The following SUPT6H variants were observed in gnomAD, a reference collection of about 807,000 sequenced individuals.
SUPT6H encodes the protein transcription elongation factor SPT6.
In SUPT6H, 11 loss-of-function variants were observed where a neutral mutation model predicts 222.3. The observed-to-expected ratio is 0.05, with a 90% CI of 0.03 to 0.08. The LOEUF (loss-of-function observed/expected upper bound fraction) is 0.08. Ranked by LOEUF, SUPT6H falls within the 10% of genes least tolerant of loss-of-function variation. The pLI is 1.00. For missense variants in SUPT6H, 1,422 were observed against 2,216.0 expected, an observed-to-expected ratio of 0.64 and a Z score of 7.19; for synonymous variants, 762 against 801.2, an observed-to-expected ratio of 0.95 and a Z score of 0.83.
At chr17:28,667,875 A>G (rs2030179636) in intron 1 of SUPT6H, among the ~76,000 whole-genome samples, 2 of 151,704 alleles carry the variant, frequency 1.3e-5, no homozygotes, top group East Asian at 1.9e-4. Flanking sequence ...ACTCATTTTT[A>G]TATACACAAG....
Position 28,681,238 on chromosome 17 carries a change from A to G in SUPT6H, c.1350-18A>G. On this transcript the variant is annotated intron_variant, in intron 11 of 36. Transcript: ENST00000314616. ...TTTCTGCAGTGATGACTGAAACCTT[A>G]TGTCTCTTCTTTTTCAGGCTCAAGG... 6.2e-7 allele frequency: 1 copy of G among 1,613,172 alleles called. No homozygotes were observed. The highest frequency in any genetic ancestry group is 8.5e-7 in the Non-Finnish European group (1 of 1,179,810).
At chr17:28,663,330 T>C (rs577490194) in intron 1 of SUPT6H, among the ~76,000 whole-genome samples, 1 of 152,282 alleles carries the variant, frequency 6.6e-6, no homozygotes, top group East Asian at 1.9e-4. Flanking sequence ...CCAGTACAAG[T>C]ACATTTTTAT....
intron 26 of SUPT6H, 81 bp from the exon 27 acceptor site, chr17:28,690,840 T>C (rs1567700279): frequency 2.7e-6 from 4 of 1,483,854 alleles, no homozygotes; most frequent in Non-Finnish European, 3.7e-6. Context: ...AAGTCAGATA[T>C]TCTGTCACTG....
chr17:28,683,228 G>C, intron 15 of SUPT6H, 40 bp from the exon 16 acceptor site: 1 of 1,606,734 alleles, frequency 6.2e-7, no homozygotes, highest in Non-Finnish European at 8.5e-7. Flanking sequence ...GCCTGGCCCA[G>C]CCCATCCGCA....
Position 28,683,105 on chromosome 17 carries a change from A to C in SUPT6H, c.1878+13A>C. ...GAAAGGTAGAAAGGTGAGCTGGGTG[A>C]AGGGCTTTGATCCAAGATGTGCACC... On this transcript the variant is annotated intron_variant, in intron 15 of 36. Transcript: ENST00000314616. The C allele has an allele frequency of 6.3e-7, 1 of 1,586,286 alleles. No homozygotes were observed. Among genetic ancestry groups the C allele is most frequent in the Non-Finnish European group, 8.6e-7 (1 of 1,168,592 alleles).
At position 28,700,455 on chromosome 17, in the gene SUPT6H, G is replaced by A. The variant is rs1303999729; in HGVS notation, c.4749G>A (p.Gln1583=). ...AGAACCCTAATGCCACCCCAGCCCA[G>A]TGGGCCTCCAGCCAGTACGGCTATG... is the stretch of plus-strand genomic sequence containing the variant. ...QGQNPNATPA[Q]WASSQYGYGG... The change falls in exon 35 of 37, where the codon CAG becomes CAA. Residue 1583 remains glutamine (Q), a synonymous_variant. Coordinates refer to ENST00000314616, the MANE Select transcript of SUPT6H (RefSeq NM_003170.5). The A allele has an allele frequency of 7.4e-6, 12 of 1,614,124 alleles. No homozygotes were observed. The highest frequency in any genetic ancestry group is 1.0e-5 in the Non-Finnish European group (12 of 1,180,058).
At chr17:28,676,056 C>T (rs1413309149) in intron 6 of SUPT6H, 101 bp from the exon 7 acceptor site, 16 of 1,358,986 alleles carry the variant, frequency 1.2e-5, no homozygotes, top group Non-Finnish European at 1.6e-5. Context: ...TTCCTCCTAA[C>T]CCTCTCAGTT....
chr17:28,675,212 T>A (rs2030670536), intron 5 of SUPT6H, 50 bp downstream of exon 5: 3 of 1,558,562 alleles, frequency 1.9e-6, no homozygotes, highest in Non-Finnish European at 2.6e-6. Flanking sequence ...TATTGGGATT[T>A]CCTGGCCCAT....
chr17:28,686,121 G>C (rs1252285101), intron 19 of SUPT6H, among the ~76,000 whole-genome samples: 1 of 152,136 alleles, frequency 6.6e-6, no homozygotes, highest in Admixed American at 6.5e-5. Flanking sequence ...AGTGGCACCT[G>C]GTACCACTGG....
At chr17:28,668,956 A>T (rs1256954676) in intron 1 of SUPT6H, among the ~76,000 whole-genome samples, 1 of 152,210 alleles carries the variant, frequency 6.6e-6, no homozygotes, top group Non-Finnish European at 1.5e-5. Context: ...CCTAACCCCT[A>T]GGCTTACTAT....
chr17:28,689,334 C>T lies in SUPT6H; in HGVS notation c.3135-20C>T, dbSNP rs761503117. ...AAGCTTATCGTTCTATATCCTGTTCCTTTTCTGCCTTTCCTCCAGCACTGA... is the reference window on the plus strand; with the variant it reads ...AAGCTTATCGTTCTATATCCTGTTCTTTTTCTGCCTTTCCTCCAGCACTGA... On this transcript the variant is annotated intron_variant, in intron 24 of 36. Coordinates refer to ENST00000314616, the MANE Select transcript of SUPT6H (RefSeq NM_003170.5). 1.2e-6 allele frequency: 2 copies of T among 1,613,568 alleles called. No individual in the cohort carries two copies. Among genetic ancestry groups the T allele is most frequent in the East Asian group, 4.5e-5 (2 of 44,890 alleles).
At chr17:28,668,631 G>A (rs754636321) in intron 1 of SUPT6H, among the ~76,000 whole-genome samples, 4 of 152,192 alleles carry the variant, frequency 2.6e-5, no homozygotes, top group Non-Finnish European at 4.4e-5. Flanking sequence ...TTTTCATCAG[G>A]TAGGCTGTGT....
chr17:28,684,618 A>G lies in SUPT6H; in HGVS notation c.2262A>G (p.Arg754=). The change falls in exon 18 of 37, where the codon AGA becomes AGG. Residue 754 remains arginine (R), a synonymous_variant. Transcript: ENST00000314616. ...ACSRKLYNWL[R]VAPYRPDQQV... ...GTCGAAAGCTCTACAATTGGTTGAGAGTGGCACCCTACCGACCAGATCAGC... is the reference window on the plus strand; with the variant it reads ...GTCGAAAGCTCTACAATTGGTTGAGGGTGGCACCCTACCGACCAGATCAGC... The G allele has an allele frequency of 6.2e-7, 1 of 1,614,118 alleles. No individual in the cohort carries two copies.
intron 6 of SUPT6H, 59 bp from the exon 7 acceptor site, chr17:28,676,098 G>A: frequency 6.6e-7 from 1 of 1,523,438 alleles, no homozygotes; most frequent in East Asian, 2.3e-5. Flanking sequence ...CTATGCAAGG[G>A]CTGCATTTCT....
chr17:28,685,403 G>C (rs2031329272), intron 19 of SUPT6H, among the ~76,000 whole-genome samples: 1 of 151,790 alleles, frequency 6.6e-6, no homozygotes. Context: ...TTTCAGTTTT[G>C]TTAACAGAGC....
At chr17:28,699,758 C>T (rs1490593149) in intron 32 of SUPT6H, 23 bp from the exon 33 acceptor site, 8 of 1,603,900 alleles carry the variant, frequency 5.0e-6, no homozygotes, top group Non-Finnish European at 2.6e-6. Context: ...GTTTCTGATG[C>T]ATGTTTCCTT....
rs987290023 is a variant in SUPT6H, at chr17:28,662,314, G to T, written c.-60G>T. On this transcript the variant is annotated 5_prime_UTR_variant, in exon 1 of 37. Coordinates refer to ENST00000314616, the MANE Select transcript of SUPT6H (RefSeq NM_003170.5). ...CCATTTTCCTCGGTGGGGGCTTAGC[G>T]CACTGGAGGAGCGGCGGGCTTCAGA... The T allele has an allele frequency of 1.8e-5, 3 of 163,884 alleles. 1 individual carries two copies. The South Asian group carries it at 3.9e-4, about 21-fold the overall frequency. The allele number at this position is 163,884 out of a possible 1,614,324, so 10.2% of individuals were successfully genotyped here.
In SUPT6H at chr17:28,681,882, G is replaced by A; in HGVS notation, c.1499G>A (p.Gly500Asp). ...AAATCTCCCCATGTTTTCTTCCCAG[G>A]TGAAGGTGACGAGGCAGAAGATGAG... ...KRVREEGDEE[G>D]EGDEAEDEEQ... Residue 500 changes from glycine (G) to aspartate (D), a missense_variant and splice_region_variant, in exon 13 of 37, where the codon GGT becomes GAT. Gly to Asp is a moderately conservative substitution (Grantham distance 94, BLOSUM62 -1). Coordinates refer to ENST00000314616, the MANE Select transcript of SUPT6H (RefSeq NM_003170.5). The A allele has an allele frequency of 6.2e-7, 1 of 1,607,090 alleles. No homozygotes were observed. The highest frequency in any genetic ancestry group is 8.5e-7 in the Non-Finnish European group (1 of 1,177,814).
chr17:28,687,570 G>A (rs896982471), intron 23 of SUPT6H, 99 bp downstream of exon 23: 2 of 1,336,654 alleles, frequency 1.5e-6, no homozygotes, highest in Non-Finnish European at 2.0e-6. Flanking sequence ...GAGGACCAAG[G>A]TCAGTGACTT....
Sources: gnomAD v4.1 joint callset for allele counts (sites outside exome capture counted in the v4.1 genomes callset) on GRCh38, gnomAD v4.1.1 for gene constraint, MANE v1.5 for transcripts, NCBI Gene and HGNC (gene_info 2026-07-23, HGNC 2026-07-21) for gene names.